The following ASTN2 variants were observed in gnomAD, a reference collection of about 807,000 sequenced individuals.
ASTN2 encodes the protein astrotactin-2.
Under a neutral mutation model 139.8 loss-of-function variants are expected in ASTN2, and 54 were observed. The observed-to-expected ratio is 0.39, with a 90% CI of 0.31 to 0.48. The LOEUF (loss-of-function observed/expected upper bound fraction) is 0.48, where lower values mean the gene tolerates loss of function less well. Among genes scored for constraint, ASTN2 ranks in the 20% least tolerant of loss-of-function variants. The pLI is 0.95. For missense variants in ASTN2, 1,565 were observed against 1,725.1 expected, an observed-to-expected ratio of 0.91 and a Z score of 1.64; for synonymous variants, 756 against 719.5, an observed-to-expected ratio of 1.05 and a Z score of -0.81.
intron 7 of ASTN2, among the ~76,000 whole-genome samples, chr9:116,977,402 C>G (rs566162347): frequency 6.6e-6 from 1 of 152,254 alleles, no homozygotes; most frequent in Non-Finnish European, 1.5e-5. Flanking sequence ...CTCTCCCTCT[C>G]TCTTGCCATT....
Position 116,686,721 on chromosome 9 carries a change from G to A in ASTN2, c.2807-34928C>T. 3.2e-6 allele frequency: 5 copies of A among 1,550,540 alleles called. No homozygotes were observed. In the Admixed American group the frequency reaches 7.8e-5, roughly 24 times the overall value. On this transcript the variant is annotated intron_variant, in intron 16 of 22. Coordinates refer to ENST00000313400, the MANE Select transcript of ASTN2 (RefSeq NM_001365068.1). ...CCTTCAGTCTGCAGGGACAGGGGCT[G>A]CAGAGTGTACTCCCCAAGTCTGCCT...
At chr9:117,023,256 G>A (rs1195018359) in intron 6 of ASTN2, among the ~76,000 whole-genome samples, 1 of 152,114 alleles carries the variant, frequency 6.6e-6, no homozygotes, top group Non-Finnish European at 1.5e-5. Flanking sequence ...CCATTCCACA[G>A]AAAAGCTTTC....
intron 1 of ASTN2, among the ~76,000 whole-genome samples, chr9:117,312,701 G>A (rs529462048): frequency 1.2e-4 from 18 of 152,178 alleles, no homozygotes; most frequent in Admixed American, 3.9e-4. Context: ...AAAACTCAGG[G>A]TCCAGGGCTC....
rs773217065 is a variant in ASTN2 at position 116,424,932 on chromosome 9, C to T, written c.*919G>A. On this transcript the variant is annotated 3_prime_UTR_variant, in exon 23 of 23. Transcript: ENST00000313400. ...CACCTCTCTGTCTGGCTTATTTCTA[C>T]TCATCCTTTGGGTTTAGGTATCACT... Among the ~76,000 whole-genome samples, 1 of 152,080 alleles carries T rather than the reference C, an allele frequency of 6.6e-6. No individual in the cohort carries two copies. The highest frequency in any genetic ancestry group is 1.5e-5 in the Non-Finnish European group (1 of 68,008).
chr9:117,151,298 C>T (rs558096602), intron 3 of ASTN2, among the ~76,000 whole-genome samples: 1 of 152,288 alleles, frequency 6.6e-6, no homozygotes, highest in South Asian at 2.1e-4. Context: ...AGCCAAATTC[C>T]TCCCTCCCAG....
intron 4 of ASTN2, among the ~76,000 whole-genome samples, chr9:117,104,433 T>C (rs1258139196): frequency 6.6e-6 from 1 of 152,184 alleles, no homozygotes; most frequent in Non-Finnish European, 1.5e-5. Context: ...TAAATTTATA[T>C]ATGCTTGCTC....
At chr9:116,448,180 G>A (rs1026197761) in intron 20 of ASTN2, among the ~76,000 whole-genome samples, 6 of 152,174 alleles carry the variant, frequency 3.9e-5, no homozygotes, top group Admixed American at 6.5e-5. Flanking sequence ...AAGGGAAACA[G>A]ATGTTTCCAG....
At chr9:116,435,759 G>C (rs953035099) in intron 22 of ASTN2, among the ~76,000 whole-genome samples, 2 of 152,218 alleles carry the variant, frequency 1.3e-5, no homozygotes, top group South Asian at 4.1e-4. Context: ...CCAGCTTTCT[G>C]CATCTGGAAC....
intron 13 of ASTN2, among the ~76,000 whole-genome samples, chr9:116,769,054 A>C (rs1184810755): frequency 6.6e-6 from 1 of 152,220 alleles, no homozygotes; most frequent in African/African-American, 2.4e-5. Flanking sequence ...TACAGATTTC[A>C]AAAACAACAT....
At chr9:117,123,839 T>A (rs1278345307) in intron 4 of ASTN2, among the ~76,000 whole-genome samples, 1 of 152,148 alleles carries the variant, frequency 6.6e-6, no homozygotes, top group East Asian at 1.9e-4. Context: ...TCACCAGGAA[T>A]TGGTTTCACA....
At chr9:117,328,256 G>A (rs1011763629) in intron 1 of ASTN2, among the ~76,000 whole-genome samples, 2 of 152,120 alleles carry the variant, frequency 1.3e-5, no homozygotes, top group African/African-American at 2.4e-5. Flanking sequence ...TAGGTTGCAC[G>A]CATACACACT....
intron 19 of ASTN2, among the ~76,000 whole-genome samples, chr9:116,602,091 G>A (rs557828589): frequency 4.9e-4 from 74 of 152,302 alleles, no homozygotes; most frequent in African/African-American, 1.7e-3. Context: ...CCTGTAGAAT[G>A]CATAGAGATA....
intron 7 of ASTN2, among the ~76,000 whole-genome samples, chr9:117,001,267 C>T (rs926985018): frequency 6.6e-6 from 1 of 152,178 alleles, no homozygotes; most frequent in African/African-American, 2.4e-5. Flanking sequence ...GGAGAGACTT[C>T]TTTAAAAGAA....
chr9:116,746,270 T>G (rs1829231178), intron 13 of ASTN2, among the ~76,000 whole-genome samples: 1 of 151,910 alleles, frequency 6.6e-6, no homozygotes, highest in Non-Finnish European at 1.5e-5. Context: ...TATTTTTCAG[T>G]AGAGATGGGG....
intron 1 of ASTN2, among the ~76,000 whole-genome samples, chr9:117,351,859 G>A (rs1450067356): frequency 6.6e-6 from 1 of 152,152 alleles, no homozygotes; most frequent in African/African-American, 2.4e-5. Context: ...GACAACCAGA[G>A]AGATTCTAGT....
intron 5 of ASTN2, among the ~76,000 whole-genome samples, chr9:117,086,445 G>A (rs1279293666): frequency 1.3e-5 from 2 of 152,094 alleles, no homozygotes; most frequent in African/African-American, 2.4e-5. Flanking sequence ...ATGGTGGCAC[G>A]TGCCTGTAGT....
At chr9:116,846,666 G>A (rs1262541654) in intron 11 of ASTN2, among the ~76,000 whole-genome samples, 1 of 152,150 alleles carries the variant, frequency 6.6e-6, no homozygotes, top group Non-Finnish European at 1.5e-5. Flanking sequence ...CCTTGCTTTG[G>A]GCACATCCCT....
intron 12 of ASTN2, among the ~76,000 whole-genome samples, chr9:116,820,341 A>C (rs973949541): frequency 3.3e-5 from 5 of 152,240 alleles, no homozygotes; most frequent in African/African-American, 1.2e-4. Flanking sequence ...CTTCAGCAGG[A>C]AAAAGCTCCT....
At chr9:116,753,170 A>G (rs1468300187) in intron 13 of ASTN2, among the ~76,000 whole-genome samples, 2 of 152,214 alleles carry the variant, frequency 1.3e-5, no homozygotes, top group Admixed American at 6.5e-5. Flanking sequence ...TCATTCCACA[A>G]TTTTAAAAAA....
Sources: gnomAD v4.1 joint callset for allele counts (sites outside exome capture counted in the v4.1 genomes callset) on GRCh38, gnomAD v4.1.1 for gene constraint, MANE v1.5 for transcripts, NCBI Gene and HGNC (gene_info 2026-07-23, HGNC 2026-07-21) for gene names.